Variants in HERC1 observed in about 807,000 individuals in gnomAD.
HERC1 encodes the protein probable E3 ubiquitin-protein ligase HERC1.
In HERC1, 160 loss-of-function variants were observed where a neutral mutation model predicts 554.3. The observed-to-expected ratio is 0.29, with a 90% CI of 0.25 to 0.33. The LOEUF (loss-of-function observed/expected upper bound fraction) is 0.33, where lower values mean the gene tolerates loss of function less well. Among genes scored for constraint, HERC1 ranks in the 10% least tolerant of loss-of-function variants. The pLI is 1.00. For missense variants in HERC1, 4,919 were observed against 5,918.5 expected (o/e 0.83, Z 5.54); for synonymous variants, 2,175 against 2,131.7 (o/e 1.02, Z -0.56).
intron 1 of HERC1, among the ~76,000 whole-genome samples, chr15:63,826,685 C>T (rs1203421085): frequency 6.8e-6 from 1 of 146,726 alleles, no homozygotes; most frequent in Admixed American, 6.9e-5. Flanking sequence ...CAATGTATTT[C>T]ATTTTCAAGC....
rs571601996 is a variant in HERC1 at position 63,692,829 on chromosome 15, T to C, written c.5675-263A>G. The stretch of plus-strand genomic sequence containing the variant: ...ACTAAGTATAATAAAGAATTATTGG[T>C]GACTAGAGAACAGAACAGTCTAGGA... On this transcript the variant is annotated intron_variant, in intron 30 of 77. Coordinates refer to ENST00000443617, the MANE Select transcript of HERC1 (RefSeq NM_003922.4). This position sits in a 1 kb window ranked among gnomAD's most constrained non-coding sequence, Gnocchi z 4.7. Among the ~76,000 whole-genome samples, 185 of 152,274 alleles carry C rather than the reference T, an allele frequency of 1.2e-3. 1 individual carries two copies. The highest frequency in any genetic ancestry group is 4.4e-3 in the African/African-American group (182 of 41,544).
intron 25 of HERC1, among the ~76,000 whole-genome samples, chr15:63,703,616 G>A (rs1030059497): frequency 2.6e-5 from 4 of 152,050 alleles, no homozygotes; most frequent in African/African-American, 7.2e-5. Flanking sequence ...GGCCAGGCAC[G>A]GTGGCTCATT....
At chr15:63,653,216 G>A (rs7180358) in intron 51 of HERC1, among the ~76,000 whole-genome samples, 67,765 of 151,888 alleles carry the variant, frequency 0.45, 16,166 homozygotes, top group Non-Finnish European at 0.54. Context: ...CAAGGCAGGC[G>A]GATCACCTGA....
intron 5 of HERC1, among the ~76,000 whole-genome samples, chr15:63,755,700 AG>A (rs542819078): frequency 3.2e-4 from 49 of 152,296 alleles, no homozygotes; most frequent in African/African-American, 1.2e-3. Context: ...GGACCACCTG[AG>A]CCCCAGGAAA....
intron 25 of HERC1, among the ~76,000 whole-genome samples, chr15:63,704,981 G>A (rs1231846272): frequency 1.3e-4 from 20 of 151,442 alleles, no homozygotes; most frequent in Middle Eastern, 3.4e-3. Context: ...CTCGTGATCC[G>A]CCCACCTCAG....
At chr15:63,799,289 C>A (rs1248889248) in intron 1 of HERC1, among the ~76,000 whole-genome samples, 2 of 151,944 alleles carry the variant, frequency 1.3e-5, no homozygotes, top group Non-Finnish European at 2.9e-5. Context: ...TCAGTTGAGC[C>A]CAGGAGTTTG....
At chr15:63,639,605 C>T (rs1348776597) in intron 61 of HERC1, among the ~76,000 whole-genome samples, 1 of 152,134 alleles carries the variant, frequency 6.6e-6, no homozygotes, top group Non-Finnish European at 1.5e-5. Flanking sequence ...TGTTTGTATA[C>T]ATAAATCTTA....
At chr15:63,670,445 C>A (rs2070850525) in intron 39 of HERC1, among the ~76,000 whole-genome samples, 2 of 152,190 alleles carry the variant, frequency 1.3e-5, no homozygotes, top group Admixed American at 6.5e-5. Context: ...GTACTGTCTA[C>A]CAAGTCAGTA....
Position 63,693,871 on chromosome 15 carries a change from T to A in HERC1, c.5674+93A>T, listed in dbSNP as rs542689693. ...CAAATAAAAATCCCATCATACCTCA[T>A]AAGGAAGAGGAACTCTACATCCTAA... On this transcript the variant is annotated intron_variant, in intron 30 of 77. Transcript: ENST00000443617. The A allele has an allele frequency of 2.3e-5, 29 of 1,282,796 alleles. No individual in the cohort carries two copies. The African/African-American group carries it at 4.1e-4, about 18-fold the overall frequency. 79.5% of individuals were successfully genotyped at this position (1,282,796 alleles called of 1,614,324 possible).
At chr15:63,816,490 A>T (rs1468778568) in intron 1 of HERC1, among the ~76,000 whole-genome samples, 1 of 152,220 alleles carries the variant, frequency 6.6e-6, no homozygotes, top group Non-Finnish European at 1.5e-5. Context: ...TGCCCTGCAC[A>T]AATTACTTTT....
intron 54 of HERC1, among the ~76,000 whole-genome samples, chr15:63,649,391 T>C (rs764934808): frequency 1.3e-5 from 2 of 152,082 alleles, no homozygotes; most frequent in Non-Finnish European, 2.9e-5. Context: ...AAAAACAATT[T>C]CATCTCTACC....
At chr15:63,636,678 T>TA (rs1291947753) in intron 64 of HERC1, among the ~76,000 whole-genome samples, 6 of 152,200 alleles carry the variant, frequency 3.9e-5, no homozygotes, top group African/African-American at 1.4e-4. Flanking sequence ...CAGCAATAGT[T>TA]ACAGTCATTA....
At chr15:63,814,488 C>T (rs1433021204) in intron 1 of HERC1, among the ~76,000 whole-genome samples, 1 of 152,184 alleles carries the variant, frequency 6.6e-6, no homozygotes, top group African/African-American at 2.4e-5. Flanking sequence ...GAGATACAGT[C>T]TGGCTCTGCT....
chr15:63,779,500 C>T (rs1415678348), intron 1 of HERC1: 3 of 152,128 alleles, frequency 2.0e-5, no homozygotes, highest in Non-Finnish European at 2.9e-5. Context: ...TAACGTGAGA[C>T]ATGAATATAC....
At chr15:63,811,575 C>T (rs1055156046) in intron 1 of HERC1, among the ~76,000 whole-genome samples, 4 of 152,050 alleles carry the variant, frequency 2.6e-5, no homozygotes, top group Admixed American at 1.3e-4. Context: ...TTTCGGCGGC[C>T]GAGACGGGCA....
At chr15:63,627,913 T>C (rs2068373513) in intron 70 of HERC1, among the ~76,000 whole-genome samples, 1 of 152,196 alleles carries the variant, frequency 6.6e-6, no homozygotes, top group South Asian at 2.1e-4. Context: ...AAGCTTGAAG[T>C]AGCCCACCAG....
At chr15:63,795,528 T>C (rs1004909884) in intron 1 of HERC1, among the ~76,000 whole-genome samples, 22 of 152,196 alleles carry the variant, frequency 1.4e-4, no homozygotes, top group Non-Finnish European at 2.9e-5. Context: ...AAAGCTCTGA[T>C]ACAAAAGGTT....
Position 63,694,563 on chromosome 15 carries a change from A to G in HERC1, c.5243-14T>C, listed in dbSNP as rs375441017. 231 of 1,601,482 alleles carry G rather than the reference A, an allele frequency of 1.4e-4. No homozygotes were observed. Among genetic ancestry groups the G allele is most frequent in the Non-Finnish European group, 1.8e-4 (210 of 1,168,790 alleles). ...GTTGCTGGGCTTCTAAAAGACAAAG[A>G]GACAGTTAAGAATCTTCCTTTCAGT... On this transcript the variant is annotated splice_polypyrimidine_tract_variant and intron_variant, in intron 28 of 77. Transcript: ENST00000443617. This position sits in a 1 kb window ranked among gnomAD's most constrained non-coding sequence, Gnocchi z 4.3.
At chr15:63,701,175 G>A (rs777609236) in intron 25 of HERC1, among the ~76,000 whole-genome samples, 1 of 152,082 alleles carries the variant, frequency 6.6e-6, no homozygotes, top group Non-Finnish European at 1.5e-5. Context: ...AGATTATTTA[G>A]TCCAATTTTC....
Sources: allele counts gnomAD v4.1 joint callset (sites outside exome capture counted in the v4.1 genomes callset), GRCh38; gene constraint gnomAD v4.1.1; non-coding constraint Gnocchi (gnomAD v3.1); transcripts MANE v1.5; gene names NCBI Gene and HGNC (gene_info 2026-07-23, HGNC 2026-07-21).